ZNF385D: variants seen among roughly 807,000 people sequenced by gnomAD.
The protein encoded by ZNF385D is zinc finger protein 385D.
ZNF385D carries 15 observed loss-of-function variants against 35.8 expected under a neutral mutation model. The observed-to-expected ratio is 0.42, with a 90% CI of 0.28 to 0.64. The LOEUF (loss-of-function observed/expected upper bound fraction) is 0.64. Among genes scored for constraint, ZNF385D ranks in the 30% least tolerant of loss-of-function variants. The pLI is 0.23. For synonymous variants in ZNF385D, 212 were observed against 186.8 expected (o/e 1.13, Z -1.10); for missense variants, 474 against 494.6 (o/e 0.96, Z 0.39).
intron 2 of ZNF385D, among the ~76,000 whole-genome samples, chr3:21,660,506 T>TC (rs1444942019): frequency 6.6e-6 from 1 of 152,130 alleles, no homozygotes; most frequent in African/African-American, 2.4e-5. Context: ...ATGAACACAT[T>TC]CTCCAAAAGT....
intron 7 of ZNF385D, 146 bp downstream of exon 7, chr3:21,423,817 C>A: frequency 1.5e-6 from 1 of 678,454 alleles, no homozygotes; most frequent in Non-Finnish European, 2.4e-6. Flanking sequence ...TTCTCTTTTC[C>A]CTATGATCTA....
intron 3 of ZNF385D, among the ~76,000 whole-genome samples, chr3:21,850,070 T>C (rs3849557): frequency 0.07 from 10,654 of 152,148 alleles, 547 homozygotes; most frequent in East Asian, 0.21. Context: ...GTTTAAATAG[T>C]TGCAAATTAT....
intron 2 of ZNF385D, among the ~76,000 whole-genome samples, chr3:22,242,968 C>T (rs764701300): frequency 2.7e-5 from 4 of 150,584 alleles, no homozygotes; most frequent in Non-Finnish European, 4.4e-5. Flanking sequence ...TTAATGACCT[C>T]GAATTAGGCA....
rs553050479 is a variant in ZNF385D, at chr3:22,177,553, G to A, written c.107-8518C>T. Among the ~76,000 whole-genome samples, 408 of 152,236 alleles carry A rather than the reference G, an allele frequency of 2.7e-3. 3 individuals carry two copies. The highest frequency in any genetic ancestry group is 8.3e-3 in the African/African-American group (344 of 41,568). On this transcript the variant is annotated intron_variant, in intron 2 of 5. Transcript: ENST00000494108. ...TAGTTCTCTGTGAAGTTTGAGAAGA[G>A]AGAGATAATGTAGGCTAGACTGACT... is the stretch of plus-strand genomic sequence containing the variant.
intron 2 of ZNF385D, among the ~76,000 whole-genome samples, chr3:22,306,775 C>G (rs991959158): frequency 1.7e-4 from 26 of 152,122 alleles, no homozygotes; most frequent in African/African-American, 5.8e-4. Flanking sequence ...ATGAACTCAG[C>G]TTTCCAGGCT....
chr3:21,664,999 C>A lies in ZNF385D; in HGVS notation c.52G>T (p.Ala18Ser). 6.2e-7 allele frequency: 1 copy of A among 1,612,724 alleles called. No homozygotes were observed. The highest frequency in any genetic ancestry group is 8.5e-7 in the Non-Finnish European group (1 of 1,179,314). ...GGAGGGGCTGGTGGACGGACAAGGGCCGGGAGAGCAGGACTCTGGCATGTA... is the reference window on the plus strand; with the variant it reads ...GGAGGGGCTGGTGGACGGACAAGGGACGGGAGAGCAGGACTCTGGCATGTA... ...GGTCQSPALP[A>S]LVRPPAPPLQ... Residue 18 changes from alanine (A) to serine (S), a missense_variant, in exon 2 of 8, where the codon GCC becomes TCC. Transcript: ENST00000281523.
At chr3:21,930,429 A>G (rs576927895) in intron 3 of ZNF385D, among the ~76,000 whole-genome samples, 1 of 152,252 alleles carries the variant, frequency 6.6e-6, no homozygotes, top group South Asian at 2.1e-4. Context: ...AAATAAAGAA[A>G]TAGATACTCT....
intron 2 of ZNF385D, among the ~76,000 whole-genome samples, chr3:21,614,565 C>A (rs912221323): frequency 6.6e-6 from 1 of 152,024 alleles, no homozygotes; most frequent in Non-Finnish European, 1.5e-5. Flanking sequence ...TTTTTGTTTT[C>A]CAGCCAGCCC....
At chr3:21,585,074 G>A (rs184838633) in intron 2 of ZNF385D, among the ~76,000 whole-genome samples, 19 of 152,158 alleles carry the variant, frequency 1.2e-4, no homozygotes, top group South Asian at 2.1e-4. Context: ...GAAATATAAC[G>A]AGAGTTATTT....
intron 3 of ZNF385D, among the ~76,000 whole-genome samples, chr3:21,965,134 C>G (rs781364350): frequency 3.3e-5 from 5 of 152,172 alleles, no homozygotes; most frequent in African/African-American, 4.8e-5. Context: ...GATGAAGAGA[C>G]AGCTTTGGAG....
chr3:22,183,246 C>T (rs1161582110), intron 2 of ZNF385D, among the ~76,000 whole-genome samples: 6 of 152,094 alleles, frequency 3.9e-5, no homozygotes, highest in East Asian at 1.9e-4. Flanking sequence ...TCATCTAACT[C>T]GGGTAGTTAA....
chr3:22,060,677 T>G (rs1257985124), intron 3 of ZNF385D, among the ~76,000 whole-genome samples: 1 of 152,076 alleles, frequency 6.6e-6, no homozygotes, highest in Non-Finnish European at 1.5e-5. Context: ...TCTTAGAGCA[T>G]GAGGAAATGA....
In ZNF385D at chr3:22,324,105, G is replaced by T. The variant is rs1454206806; in HGVS notation, c.106+48345C>A. On this transcript the variant is annotated intron_variant, in intron 2 of 5. Coordinates refer to the ZNF385D transcript ENST00000494108. ...TGCTAAAAAATAATTATAACTTGGC[G>T]GGGAAAGGAATAGATGGATACCTTC... is the stretch of plus-strand genomic sequence containing the variant. Among the ~76,000 whole-genome samples the T allele has an allele frequency of 2.0e-5, 3 of 151,980 alleles. 1 individual carries two copies. Among genetic ancestry groups the T allele is most frequent in the African/African-American group, 7.2e-5 (3 of 41,404 alleles).
intron 3 of ZNF385D, among the ~76,000 whole-genome samples, chr3:21,789,616 C>T (rs560749383): frequency 3.5e-4 from 53 of 152,084 alleles, no homozygotes; most frequent in Non-Finnish European, 6.8e-4. Flanking sequence ...GCAAATACCT[C>T]TTTCTGAAGA....
At chr3:21,751,284 C>T, upstream of ZNF385D, 1 of 1,095,478 alleles carries the variant, frequency 9.1e-7, no homozygotes, top group South Asian at 2.7e-5. Context: ...CGAGGTGCTC[C>T]GACTGCCTGC....
intron 3 of ZNF385D, among the ~76,000 whole-genome samples, chr3:21,532,525 C>T (rs568215438): frequency 1.2e-4 from 18 of 152,090 alleles, no homozygotes; most frequent in Non-Finnish European, 2.2e-4. Flanking sequence ...ATTTTAGTTT[C>T]CTTCTGGTTG....
At chr3:22,151,918 T>C (rs1705264796) in intron 3 of ZNF385D, among the ~76,000 whole-genome samples, 3 of 152,134 alleles carry the variant, frequency 2.0e-5, no homozygotes, top group South Asian at 2.1e-4. Flanking sequence ...CTGGGCAACA[T>C]AGGAGTTTCT....
intron 2 of ZNF385D, among the ~76,000 whole-genome samples, chr3:22,215,227 G>T (rs12490313): frequency 1.3e-5 from 2 of 151,782 alleles, no homozygotes; most frequent in Non-Finnish European, 2.9e-5. Context: ...TGAACAATAC[G>T]AAATCTGGGC....
intron 3 of ZNF385D, among the ~76,000 whole-genome samples, chr3:21,917,086 G>A (rs1039091348): frequency 6.6e-6 from 1 of 152,142 alleles, no homozygotes; most frequent in Non-Finnish European, 1.5e-5. Context: ...GTCCATTAAA[G>A]AATTATTATC....
Sources: allele counts gnomAD v4.1 joint callset (sites outside exome capture counted in the v4.1 genomes callset), GRCh38; gene constraint gnomAD v4.1.1; transcripts MANE v1.5; gene names NCBI Gene and HGNC (gene_info 2026-07-23, HGNC 2026-07-21).